The following SLC5A10 variants were observed in gnomAD, a reference collection of about 807,000 sequenced individuals.
The protein encoded by SLC5A10 is solute carrier family 5 member 10, also known as sodium/mannose cotransporter SLC5A10.
SLC5A10 carries 55 observed loss-of-function variants against 68.9 expected under a neutral mutation model. That is an observed-to-expected ratio of 0.80 (90% CI 0.64 to 1.00). SLC5A10 has a LOEUF of 1.00. Ranked by LOEUF, SLC5A10 falls within the 50% of genes least tolerant of loss-of-function variation. SLC5A10 has a pLI of 0.00. For missense variants in SLC5A10, 732 were observed against 819.3 expected (o/e 0.89, Z 1.30); for synonymous variants, 344 against 344.8 (o/e 1.00, Z 0.02).
chr17:19,022,126 C>T lies in SLC5A10; in HGVS notation c.*1695C>T. On this transcript the variant is annotated 3_prime_UTR_variant, in exon 15 of 15. Coordinates refer to ENST00000395645, the MANE Select transcript of SLC5A10 (RefSeq NM_001042450.4). ...GCTGAGAAGTCAAACTGGGCCTGGG[C>T]AAAGCAGGCCCCAGGTGACTGCAAG... The T allele has an allele frequency of 6.6e-7, 1 of 1,525,712 alleles. No homozygotes were observed. The highest frequency in any genetic ancestry group is 8.8e-7 in the Non-Finnish European group (1 of 1,137,320). 94.5% of individuals were successfully genotyped at this position (1,525,712 alleles called of 1,614,324 possible).
chr17:18,955,285 C>T (rs1018197292), intron 1 of SLC5A10, among the ~76,000 whole-genome samples: 2 of 152,098 alleles, frequency 1.3e-5, no homozygotes, highest in Non-Finnish European at 2.9e-5. Context: ...TGTGAAATGA[C>T]CAGCCCTGCG....
intron 1 of SLC5A10, among the ~76,000 whole-genome samples, chr17:18,956,622 A>G (rs969981615): frequency 7.2e-5 from 11 of 151,834 alleles, no homozygotes; most frequent in Admixed American, 4.6e-4. Context: ...GATTACAAGC[A>G]TGCACCACCA....
At chr17:18,954,896 G>T (rs530108520) in intron 1 of SLC5A10, among the ~76,000 whole-genome samples, 2 of 152,062 alleles carry the variant, frequency 1.3e-5, no homozygotes, top group Non-Finnish European at 2.9e-5. Context: ...CATGGTGAAA[G>T]CCCGTCTCTA....
At chr17:18,977,123 T>C (rs2043000591) in intron 9 of SLC5A10, 134 bp downstream of exon 9, 1 of 1,274,380 alleles carries the variant, frequency 7.8e-7, no homozygotes, top group Admixed American at 2.1e-5. Flanking sequence ...GTGGGGAGAG[T>C]GGTCCTCAGG....
At chr17:18,990,447 C>G (rs989697653) in intron 9 of SLC5A10, among the ~76,000 whole-genome samples, 1 of 152,152 alleles carries the variant, frequency 6.6e-6, no homozygotes, top group Non-Finnish European at 1.5e-5. Context: ...AACAGCCTCA[C>G]GTGCCACCCT....
Position 19,017,577 on chromosome 17 carries a change from A to C in SLC5A10, c.1242-1846A>C. ...GAGGAGCCGTCACAGGCTGGGGGAG[A>C]GCGATGACCCGCCCCCACTCCCGTA... On this transcript the variant is annotated intron_variant, in intron 11 of 14. Coordinates refer to ENST00000395645, the MANE Select transcript of SLC5A10 (RefSeq NM_001042450.4). The surrounding 1 kb of genome is among the most constrained non-coding windows in gnomAD (Gnocchi z 5.6). The C allele has an allele frequency of 1.7e-6, 1 of 593,360 alleles. No homozygotes were observed. The highest frequency in any genetic ancestry group is 3.0e-6 in the Non-Finnish European group (1 of 337,552). The allele number at this position is 593,360 out of a possible 1,614,324, so 36.8% of individuals were successfully genotyped here.
chr17:18,979,764 G>A (rs2043082551), intron 9 of SLC5A10: 6 of 1,445,162 alleles, frequency 4.2e-6, no homozygotes, highest in Non-Finnish European at 5.8e-6. Flanking sequence ...GGCTCAGAGG[G>A]GACTCTGGAG....
Position 19,022,018 on chromosome 17 carries a change from G to C in SLC5A10, c.*1587G>C. ...AAGAAGCCAACGCGCCCGCAGGACC[G>C]GCCCCGCCACCAGTGGGGGTCTGGG... On this transcript the variant is annotated 3_prime_UTR_variant, in exon 15 of 15. Coordinates refer to ENST00000395645, the MANE Select transcript of SLC5A10 (RefSeq NM_001042450.4). 1 of 1,597,874 alleles carries C rather than the reference G, an allele frequency of 6.3e-7. No homozygotes were observed. Among genetic ancestry groups the C allele is most frequent in the Non-Finnish European group, 8.5e-7 (1 of 1,173,188 alleles).
intron 10 of SLC5A10, among the ~76,000 whole-genome samples, chr17:19,013,742 T>C (rs1471563962): frequency 1.3e-5 from 2 of 151,068 alleles, no homozygotes; most frequent in Non-Finnish European, 2.9e-5. Context: ...GGGAAAATGC[T>C]GGGTGCAGGC....
intron 8 of SLC5A10, among the ~76,000 whole-genome samples, chr17:18,975,312 A>G (rs1303484440): frequency 6.6e-6 from 1 of 152,220 alleles, no homozygotes; most frequent in Non-Finnish European, 1.5e-5. Context: ...TAGCCTCTGT[A>G]ATTAATGTTT....
At position 18,976,839 on chromosome 17, in the gene SLC5A10, G is replaced by T. The variant is rs146394624; in HGVS notation, c.847-15G>T. ...CTCAGGCTTGGACTCACCCCGTCTC[G>T]CACTCCACCCCCAGGTCATCGTGCA... On this transcript the variant is annotated splice_polypyrimidine_tract_variant and intron_variant, in intron 8 of 14. Transcript: ENST00000395645. 6.2e-7 allele frequency: 1 copy of T among 1,612,202 alleles called. No homozygotes were observed.
At chr17:18,959,705 T>C (rs776956130) in intron 4 of SLC5A10, 42 bp downstream of exon 4, 2 of 1,593,960 alleles carry the variant, frequency 1.3e-6, no homozygotes, top group African/African-American at 1.3e-5. Context: ...GGCTGGGCCT[T>C]GGTCCAAGTT....
chr17:18,981,367 C>T (rs1420136884), intron 9 of SLC5A10, among the ~76,000 whole-genome samples: 1 of 152,178 alleles, frequency 6.6e-6, no homozygotes, highest in African/African-American at 2.4e-5. Context: ...GGGCGGGCTC[C>T]TGGTAAAAGA....
chr17:18,959,107 C>T (rs747480723), intron 2 of SLC5A10, 28 bp from the exon 3 acceptor site: 6 of 1,596,344 alleles, frequency 3.8e-6, no homozygotes, highest in Non-Finnish European at 5.1e-6. Context: ...GAGCCTGCTG[C>T]TGATGCGTTT....
In SLC5A10 at chr17:18,977,003, C is replaced by A. The variant is rs753603133; in HGVS notation, c.982+14C>A. ...CATTGTTCCCAGGTAGGACGGGCTC[C>A]GGGCACTGAACCCAGGCTGCAGGGC... On this transcript the variant is annotated intron_variant, in intron 9 of 14. Coordinates refer to ENST00000395645, the MANE Select transcript of SLC5A10 (RefSeq NM_001042450.4). The A allele has an allele frequency of 3.1e-6, 5 of 1,610,352 alleles. No homozygotes were observed. The highest frequency in any genetic ancestry group is 4.2e-6 in the Non-Finnish European group (5 of 1,179,720).
intron 9 of SLC5A10, among the ~76,000 whole-genome samples, chr17:18,997,691 C>T (rs1435390977): frequency 1.3e-5 from 2 of 152,190 alleles, no homozygotes; most frequent in Non-Finnish European, 2.9e-5. Context: ...CCCACATGCT[C>T]TCTGCTGCGT....
At position 18,977,926 on chromosome 17, in the gene SLC5A10, TTCCACCCCA is replaced by T. The variant is rs749383561; in HGVS notation, c.982+942_982+950del. The T allele has an allele frequency of 7.5e-6, 12 of 1,609,828 alleles. No individual in the cohort carries two copies. In the East Asian group the frequency reaches 2.7e-4, roughly 36 times the overall value. On this transcript the variant is annotated intron_variant, in intron 9 of 14. Transcript: ENST00000395645. ...TTACGTAGTCGTCATCATCTTCTTCTTCCACCCCATCCAGCCCATTGGGGAGCCCCACCC... is the reference window on the plus strand; with the variant it reads ...TTACGTAGTCGTCATCATCTTCTTCTTCCAGCCCATTGGGGAGCCCCACCC...
chr17:19,007,681 G>C lies in SLC5A10; in HGVS notation c.983-5729G>C, dbSNP rs553311141. Among the ~76,000 whole-genome samples the C allele has an allele frequency of 7.9e-5, 12 of 152,292 alleles. No homozygotes were observed. The South Asian group carries it at 2.3e-3, about 29-fold the overall frequency. Reference sequence around the variant, plus strand: ...GCTACAGGACCTTTGTTGGGTGTGTGCTCTGCAAATATTTTCTCCCAGTCA... The same window carrying C: ...GCTACAGGACCTTTGTTGGGTGTGTCCTCTGCAAATATTTTCTCCCAGTCA... On this transcript the variant is annotated intron_variant, in intron 9 of 14. Transcript: ENST00000395645.
intron 5 of SLC5A10, among the ~76,000 whole-genome samples, chr17:18,965,596 C>T (rs754935938): frequency 2.6e-5 from 4 of 152,164 alleles, no homozygotes; most frequent in African/African-American, 4.8e-5. Flanking sequence ...CCTTCATATA[C>T]GTGGGGAGCT....
Sources: allele counts gnomAD v4.1 joint callset (sites outside exome capture counted in the v4.1 genomes callset), GRCh38; gene constraint gnomAD v4.1.1; non-coding constraint Gnocchi (gnomAD v3.1); transcripts MANE v1.5; gene names NCBI Gene and HGNC (gene_info 2026-07-23, HGNC 2026-07-21).